The following RAB38 variants were observed in gnomAD, a reference collection of about 807,000 sequenced individuals.
RAB38 encodes the protein RAB38, member RAS oncogene family, also known as ras-related protein Rab-38.
Under a neutral mutation model 18.4 loss-of-function variants are expected in RAB38, and 15 were observed. The ratio of observed to expected loss-of-function variants is 0.82; its 90% CI spans 0.55 to 1.26. RAB38 has a LOEUF of 1.26. Ranked by LOEUF, RAB38 falls within the 50% of genes most tolerant of loss-of-function variation. RAB38 has a pLI of 0.00. For synonymous variants in RAB38, 101 were observed against 104.4 expected (o/e 0.97, Z 0.20); for missense variants, 294 against 267.4 (o/e 1.10, Z -0.69).
chr11:87,869,990 CAATAA>C, the RAB38 span, among the ~76,000 whole-genome samples: 5 of 151,582 alleles, frequency 3.3e-5, no homozygotes, highest in Non-Finnish European at 5.9e-5. Context: ...ATAACTCTTA[CAATAA>C]AATAAATTAT....
chr11:88,095,932 C>T, the RAB38 span, among the ~76,000 whole-genome samples: 1 of 151,866 alleles, frequency 6.6e-6, no homozygotes, highest in African/African-American at 2.4e-5. Context: ...CTTTCAGCAC[C>T]TCATCCACTG....
chr11:87,808,270 A>G, the RAB38 span, among the ~76,000 whole-genome samples: 3 of 152,332 alleles, frequency 2.0e-5, no homozygotes, highest in East Asian at 3.9e-4. Flanking sequence ...TGTTTAGTGC[A>G]GTGTTTTTCA....
chr11:87,952,817 A>G, the RAB38 span, among the ~76,000 whole-genome samples: 18 of 152,190 alleles, frequency 1.2e-4, no homozygotes, highest in Non-Finnish European at 2.2e-4. Flanking sequence ...ACAATAGCAC[A>G]TGCTTATTGA....
At chr11:87,896,546 T>G in the RAB38 span, among the ~76,000 whole-genome samples, 1 of 151,600 alleles carries the variant, frequency 6.6e-6, no homozygotes, top group African/African-American at 2.4e-5. Context: ...AAAACATGAC[T>G]GCTGAAAATT....
chr11:87,938,528 C>G, the RAB38 span, among the ~76,000 whole-genome samples: 15 of 151,428 alleles, frequency 9.9e-5, no homozygotes, highest in Non-Finnish European at 1.5e-5. Flanking sequence ...GGGGAGAGGA[C>G]ACGGTTCTTT....
intron 1 of RAB38, among the ~76,000 whole-genome samples, chr11:88,172,360 G>C (rs1391065443): frequency 6.6e-6 from 1 of 152,186 alleles, no homozygotes; most frequent in African/African-American, 2.4e-5. Context: ...TTCAAGATCA[G>C]ACTGGCCAAT....
At chr11:87,830,480 C>CAAA in the RAB38 span, among the ~76,000 whole-genome samples, 1 of 133,042 alleles carries the variant, frequency 7.5e-6, no homozygotes, top group Non-Finnish European at 1.6e-5. Context: ...GGCACTGTCT[C>CAAA]AAAAAAAAAA....
chr11:88,155,475 A>G (rs1017529560), intron 1 of RAB38, among the ~76,000 whole-genome samples: 8 of 152,326 alleles, frequency 5.3e-5, no homozygotes, highest in Non-Finnish European at 7.4e-5. Context: ...AGGGCAAAGG[A>G]AAAGGAAAAA....
the RAB38 span, among the ~76,000 whole-genome samples, chr11:88,067,714 G>A: frequency 6.6e-6 from 1 of 152,008 alleles, no homozygotes; most frequent in Admixed American, 6.6e-5. Flanking sequence ...CAAAAAAAAT[G>A]AGAACACATG....
chr11:88,058,525 ATAATACCTTCTC>A, the RAB38 span, among the ~76,000 whole-genome samples: 1 of 152,204 alleles, frequency 6.6e-6, no homozygotes, highest in Non-Finnish European at 1.5e-5. Flanking sequence ...TTCCTGAAGA[ATAATACCTTCTC>A]TAAGAAGTGA....
At chr11:87,814,799 T>C in the RAB38 span, among the ~76,000 whole-genome samples, 2 of 151,818 alleles carry the variant, frequency 1.3e-5, no homozygotes, top group Non-Finnish European at 2.9e-5. Context: ...AGTGGCACTA[T>C]CTCGGCTCAC....
At chr11:87,837,429 C>T in the RAB38 span, among the ~76,000 whole-genome samples, 8 of 152,152 alleles carry the variant, frequency 5.3e-5, no homozygotes, top group Non-Finnish European at 1.0e-4. Flanking sequence ...CTGTAATCTA[C>T]TCTGGTAGGC....
At chr11:88,106,967 CAG>C in the RAB38 span, among the ~76,000 whole-genome samples, 1 of 152,032 alleles carries the variant, frequency 6.6e-6, no homozygotes, top group African/African-American at 2.4e-5. Context: ...AAGTACTAGA[CAG>C]AGAAGAGCAG....
chr11:88,173,691 G>A (rs1052449433), intron 1 of RAB38: 2 of 983,236 alleles, frequency 2.0e-6, no homozygotes, highest in African/African-American at 1.8e-5. Context: ...ATTATGACAT[G>A]CAGCAAGAAA....
At chr11:88,029,434 C>T in the RAB38 span, among the ~76,000 whole-genome samples, 4 of 151,946 alleles carry the variant, frequency 2.6e-5, no homozygotes, top group Admixed American at 2.6e-4. Flanking sequence ...CACAGACTGG[C>T]AAATTGGATA....
At chr11:88,106,146 C>T in the RAB38 span, among the ~76,000 whole-genome samples, 2 of 151,860 alleles carry the variant, frequency 1.3e-5, no homozygotes. Context: ...AGACCCGTGA[C>T]TTTTTTATTT....
the RAB38 span, among the ~76,000 whole-genome samples, chr11:87,899,041 C>T: frequency 2.8e-4 from 42 of 151,706 alleles, no homozygotes; most frequent in Admixed American, 2.4e-3. Context: ...GGTGCACAAT[C>T]GCTAATAGTA....
intron 1 of RAB38, among the ~76,000 whole-genome samples, chr11:88,165,241 T>C (rs1231503298): frequency 6.6e-6 from 1 of 152,100 alleles, no homozygotes; most frequent in Non-Finnish European, 1.5e-5. Context: ...GAAAATAGGA[T>C]TTGTAGTTAG....
chr11:87,916,696 T>G, the RAB38 span, among the ~76,000 whole-genome samples: 2 of 152,202 alleles, frequency 1.3e-5, no homozygotes, highest in African/African-American at 4.8e-5. Flanking sequence ...TGTCTTTCTC[T>G]CCTTCTTACT....
Sources: gnomAD v4.1 joint callset for allele counts (sites outside exome capture counted in the v4.1 genomes callset) on GRCh38, gnomAD v4.1.1 for gene constraint, MANE v1.5 for transcripts, NCBI Gene and HGNC (gene_info 2026-07-23, HGNC 2026-07-21) for gene names.